Variants in ERCC8 observed in about 807,000 individuals in gnomAD.
ERCC8 encodes the protein ERCC excision repair 8, CSA ubiquitin ligase complex subunit.
In ERCC8, 52 loss-of-function variants were observed where a neutral mutation model predicts 54.9. The ratio of observed to expected loss-of-function variants is 0.95; its 90% CI spans 0.76 to 1.19. ERCC8 has a LOEUF of 1.19. Among genes scored for constraint, ERCC8 ranks in the 50% most tolerant of loss-of-function variants. The probability of loss-of-function intolerance (pLI) is 0.00; values close to 1 mark genes in which losing one functional copy is unlikely to be tolerated. For missense variants in ERCC8, 514 were observed against 466.1 expected (o/e 1.10, Z -0.95); for synonymous variants, 146 against 157.2 (o/e 0.93, Z 0.53).
intron 8 of ERCC8, 33 bp downstream of exon 8, chr5:60,899,594 C>T: frequency 6.9e-7 from 1 of 1,458,464 alleles, no homozygotes; most frequent in Non-Finnish European, 9.6e-7. Context: ...AAAATACTAT[C>T]ATTGTCATAT....
chr5:60,896,850 A>G (rs1220579196), intron 9 of ERCC8, among the ~76,000 whole-genome samples: 3 of 152,192 alleles, frequency 2.0e-5, no homozygotes, highest in African/African-American at 7.2e-5. Context: ...TACATTCAGT[A>G]CCATTTATAT....
chr5:60,910,446 A>G (rs1749224491), intron 4 of ERCC8, among the ~76,000 whole-genome samples: 1 of 152,184 alleles, frequency 6.6e-6, no homozygotes, highest in Non-Finnish European at 1.5e-5. Context: ...TAGAAAATGC[A>G]TTGATTCTAT....
At chr5:60,891,611 GAATGGTATTTTTTGGGGAGGGGGT>G (rs1161403657) in intron 9 of ERCC8, among the ~76,000 whole-genome samples, 73 of 149,550 alleles carry the variant, frequency 4.9e-4, no homozygotes, top group African/African-American at 1.8e-3. Context: ...CCTTTCAAAA[GAATGGTATTTTTTGGGGAGGGGGT>G]AATGATATTT....
At chr5:60,914,234 T>C (rs991908062) in intron 4 of ERCC8, among the ~76,000 whole-genome samples, 58 of 152,222 alleles carry the variant, frequency 3.8e-4, no homozygotes, top group African/African-American at 1.3e-3. Context: ...CTAAGTCTCC[T>C]TGTAGGTCTG....
intron 3 of ERCC8, chr5:60,918,657 C>T (rs1440927619): frequency 2.4e-6 from 1 of 425,192 alleles, no homozygotes; most frequent in Non-Finnish European, 4.4e-6. Context: ...AGCCTGGAGG[C>T]ATCAGCCAAC....
chr5:60,941,991 G>C (rs1013567542), intron 1 of ERCC8, among the ~76,000 whole-genome samples: 1 of 152,156 alleles, frequency 6.6e-6, no homozygotes, highest in Non-Finnish European at 1.5e-5. Flanking sequence ...GGGAAAGGGT[G>C]ATAAGGTTTC....
At chr5:60,931,335 C>T (rs1452499327) in intron 1 of ERCC8, among the ~76,000 whole-genome samples, 1 of 152,118 alleles carries the variant, frequency 6.6e-6, no homozygotes, top group Non-Finnish European at 1.5e-5. Flanking sequence ...GAGACAGGGT[C>T]TTCCTCTGTC....
chr5:60,881,168 GA>G (rs1007299227), intron 11 of ERCC8, among the ~76,000 whole-genome samples: 5 of 152,140 alleles, frequency 3.3e-5, no homozygotes, highest in African/African-American at 1.2e-4. Flanking sequence ...AGAGACTGCA[GA>G]ACAGTGGATA....
chr5:60,887,602 T>C (rs1748434156), intron 10 of ERCC8, 82 bp from the exon 11 acceptor site: 1 of 1,025,670 alleles, frequency 9.7e-7, no homozygotes, highest in Non-Finnish European at 1.5e-6. Context: ...TTTGAAATAA[T>C]TAGGTCATAA....
At chr5:60,879,871 G>A (rs545658200) in intron 11 of ERCC8, among the ~76,000 whole-genome samples, 93 of 152,248 alleles carry the variant, frequency 6.1e-4, no homozygotes, top group African/African-American at 2.2e-3. Context: ...TTACATTTAA[G>A]GTTAATATTG....
At chr5:60,903,996 G>A (rs1748979937) in intron 5 of ERCC8, among the ~76,000 whole-genome samples, 1 of 151,952 alleles carries the variant, frequency 6.6e-6, no homozygotes, top group African/African-American at 2.4e-5. Context: ...AAAGAGAACC[G>A]TGTACCCTTC....
rs1748774907 is a variant in ERCC8, at chr5:60,898,277, AGT to A, written c.840_841del (p.Leu281CysfsTer8). 1 of 1,613,228 alleles carries A rather than the reference AGT, an allele frequency of 6.2e-7. No individual in the cohort carries two copies. ...AATATATACTTAAAAATCTCTTACA[AGT>A]GTGTTTTCTCCATTGGAACTATTCC... is the stretch of plus-strand genomic sequence containing the variant. On this transcript the variant is annotated frameshift_variant and splice_region_variant, in exon 9 of 12. Coordinates refer to ENST00000676185, the MANE Select transcript of ERCC8 (RefSeq NM_000082.4). LOFTEE classifies it high-confidence loss of function.
chr5:60,944,916 G>A lies in ERCC8; in HGVS notation c.77+16C>T, dbSNP rs4647039. The A allele has an allele frequency of 8.3e-4, 1,327 of 1,605,320 alleles. 22 individuals are homozygous for A. The Admixed American group carries it at 0.021, about 25-fold the overall frequency. On this transcript the variant is annotated intron_variant, in intron 1 of 11. Transcript: ENST00000676185. ...TTCTAACTGGCCTGTTAGCCAAAAA[G>A]TAAGGTTTTCTTTACCTCCGTGTTG...
At chr5:60,918,143 C>T in intron 4 of ERCC8, 122 bp downstream of exon 4, 1 of 791,748 alleles carries the variant, frequency 1.3e-6, no homozygotes, top group Non-Finnish European at 2.1e-6. Flanking sequence ...CTCTTCTTAA[C>T]CACTGTACTG....
chr5:60,909,243 G>GAAAAAAAAAAAAAAAAAAAAAAAAAAA (rs60064294), intron 4 of ERCC8, among the ~76,000 whole-genome samples: 2 of 19,948 alleles, frequency 1.0e-4, no homozygotes, highest in African/African-American at 1.7e-4. Flanking sequence ...GCCCTATTCT[G>GAAAAAAAAAAAAAAAAAAAAAAAAAAA]AAAAAAAAAA....
Position 60,871,195 on chromosome 5 carries a change from G to C in ERCC8, c.*3420C>G, listed in dbSNP as rs1237591146. Among the ~76,000 whole-genome samples the C allele has an allele frequency of 6.6e-6, 1 of 152,182 alleles. No homozygotes were observed. The highest frequency in any genetic ancestry group is 1.9e-4 in the East Asian group (1 of 5,198). On this transcript the variant is annotated 3_prime_UTR_variant, in exon 12 of 12. Coordinates refer to ENST00000676185, the MANE Select transcript of ERCC8 (RefSeq NM_000082.4). ...CAAGAAAAATATAGTACAGTTCCAA[G>C]TCTTCACTAATAAACATGTAGCCTT... is the stretch of plus-strand genomic sequence containing the variant.
intron 9 of ERCC8, 118 bp from the exon 10 acceptor site, chr5:60,891,204 A>C: frequency 1.4e-6 from 1 of 696,110 alleles, no homozygotes; most frequent in Non-Finnish European, 2.5e-6. Flanking sequence ...AAATTTAAGG[A>C]AAATATTCAA....
In ERCC8 at chr5:60,873,536, G is replaced by A. The variant is rs1747909909; in HGVS notation, c.*1079C>T. On this transcript the variant is annotated 3_prime_UTR_variant, in exon 12 of 12. Transcript: ENST00000676185. ...CTGAAAATACAAAAAAATTAACCGG[G>A]CGCAGTGGCGGGAGCCTGTAATCCC... Among the ~76,000 whole-genome samples, 1 of 152,088 alleles carries A rather than the reference G, an allele frequency of 6.6e-6. No homozygotes were observed. The highest frequency in any genetic ancestry group is 6.6e-5 in the Admixed American group (1 of 15,266).
At chr5:60,938,086 TTTTA>T (rs138733994) in intron 1 of ERCC8, among the ~76,000 whole-genome samples, 2,557 of 22,258 alleles carry the variant, frequency 0.11, 42 homozygotes, top group East Asian at 0.23. Context: ...TATATATATA[TTTTA>T]TTTTTTTTTT....
Sources: gnomAD v4.1 joint callset for allele counts (sites outside exome capture counted in the v4.1 genomes callset) on GRCh38, gnomAD v4.1.1 for gene constraint, MANE v1.5 for transcripts, NCBI Gene and HGNC (gene_info 2026-07-23, HGNC 2026-07-21) for gene names.